LRRC3B: variants seen among roughly 807,000 people sequenced by gnomAD.
LRRC3B encodes leucine-rich repeat-containing protein 3B.
Under a neutral mutation model 12.8 loss-of-function variants are expected in LRRC3B, and 2 were observed. The observed-to-expected ratio is 0.16, with a 90% confidence interval of 0.06 to 0.49. LRRC3B has a LOEUF of 0.49. Among genes scored for constraint, LRRC3B ranks in the 20% least tolerant of loss-of-function variants. The pLI is 0.96. For synonymous variants in LRRC3B, 132 were observed against 122.0 expected (o/e 1.08, Z -0.54); for missense variants, 189 against 319.4 (o/e 0.59, Z 3.11).
chr3:26,702,797 C>T (rs902459886), intron 1 of LRRC3B, among the ~76,000 whole-genome samples: 3 of 151,896 alleles, frequency 2.0e-5, no homozygotes, highest in Non-Finnish European at 2.9e-5. Context: ...GGAAAGAGGC[C>T]ATGAGAATGC....
intron 1 of LRRC3B, among the ~76,000 whole-genome samples, chr3:26,627,114 C>T (rs1265996405): frequency 6.6e-6 from 1 of 152,312 alleles, no homozygotes; most frequent in East Asian, 1.9e-4. Flanking sequence ...GCCACTTCCT[C>T]GCCTACCTGG....
At chr3:26,662,937 G>T (rs1044873850) in intron 1 of LRRC3B, among the ~76,000 whole-genome samples, 4 of 152,114 alleles carry the variant, frequency 2.6e-5, no homozygotes, top group Admixed American at 2.0e-4. Context: ...GGAGGGATAT[G>T]AGGGTTTGCA....
At chr3:26,668,192 C>T (rs1011209113) in intron 1 of LRRC3B, among the ~76,000 whole-genome samples, 49 of 152,184 alleles carry the variant, frequency 3.2e-4, no homozygotes, top group African/African-American at 1.1e-3. Context: ...CCTGTTGAAA[C>T]AATCAGAGAG....
chr3:26,643,514 C>A (rs79007999), intron 1 of LRRC3B, among the ~76,000 whole-genome samples: 1 of 151,940 alleles, frequency 6.6e-6, no homozygotes, highest in Admixed American at 6.6e-5. Context: ...ACCCACCCAC[C>A]AGCTGTGTGA....
chr3:26,642,758 C>T (rs1699057614), intron 1 of LRRC3B, among the ~76,000 whole-genome samples: 1 of 152,122 alleles, frequency 6.6e-6, no homozygotes, highest in African/African-American at 2.4e-5. Context: ...GTGCCTCGTG[C>T]CTGTAATCCC....
At chr3:26,699,127 G>A (rs1700391238) in intron 1 of LRRC3B, among the ~76,000 whole-genome samples, 2 of 151,912 alleles carry the variant, frequency 1.3e-5, no homozygotes, top group Non-Finnish European at 2.9e-5. Context: ...TTGTGAATTG[G>A]TCTGATGCTT....
At chr3:26,646,463 G>A (rs1699145925) in intron 1 of LRRC3B, among the ~76,000 whole-genome samples, 1 of 151,926 alleles carries the variant, frequency 6.6e-6, no homozygotes, top group South Asian at 2.1e-4. Flanking sequence ...CATTAAGTAT[G>A]TTTTATCTTT....
intron 1 of LRRC3B, among the ~76,000 whole-genome samples, chr3:26,683,955 C>T (rs895156868): frequency 6.6e-5 from 10 of 152,238 alleles, no homozygotes; most frequent in African/African-American, 2.2e-4. Context: ...GTGAGAAAAG[C>T]TGATCCTCTG....
chr3:26,689,690 C>T (rs1326238704), intron 1 of LRRC3B, among the ~76,000 whole-genome samples: 1 of 152,120 alleles, frequency 6.6e-6, no homozygotes, highest in Non-Finnish European at 1.5e-5. Context: ...GTAGAGTGGC[C>T]CACCCCCAGG....
At chr3:26,680,514 C>CA (rs1476666416) in intron 1 of LRRC3B, among the ~76,000 whole-genome samples, 5 of 152,146 alleles carry the variant, frequency 3.3e-5, no homozygotes, top group African/African-American at 4.8e-5. Flanking sequence ...ATATTGCATC[C>CA]ATTTGTGGGT....
At chr3:26,653,847 G>A (rs1013990005) in intron 1 of LRRC3B, among the ~76,000 whole-genome samples, 1 of 152,164 alleles carries the variant, frequency 6.6e-6, no homozygotes, top group African/African-American at 2.4e-5. Flanking sequence ...ATACCTTATT[G>A]AAAACAATAG....
chr3:26,709,463 G>A (rs1700694060), intron 1 of LRRC3B, 50 bp from the exon 2 acceptor site: 2 of 591,148 alleles, frequency 3.4e-6, no homozygotes, highest in Non-Finnish European at 6.0e-6. Context: ...TCATTACAAT[G>A]TACCTCCCTT....
chr3:26,671,188 T>C (rs1699715992), intron 1 of LRRC3B, among the ~76,000 whole-genome samples: 4 of 142,520 alleles, frequency 2.8e-5, no homozygotes, highest in Admixed American at 2.8e-4. Flanking sequence ...GCTAATTTTT[T>C]GTATTTTTAG....
At chr3:26,643,427 G>C (rs1028791492) in intron 1 of LRRC3B, among the ~76,000 whole-genome samples, 1 of 152,092 alleles carries the variant, frequency 6.6e-6, no homozygotes, top group Non-Finnish European at 1.5e-5. Flanking sequence ...TAGAGAAATG[G>C]TTATGTCAGC....
At chr3:26,677,457 G>A (rs1453207873) in intron 1 of LRRC3B, among the ~76,000 whole-genome samples, 2 of 152,192 alleles carry the variant, frequency 1.3e-5, no homozygotes, top group Non-Finnish European at 2.9e-5. Flanking sequence ...CTGCCAGGGG[G>A]CAGGCTGCTC....
rs563789988 is a variant in LRRC3B at position 26,702,181 on chromosome 3, T to C, written c.-160-7332T>C. ...AGAAGGTAAAGTGATGTATTTAATA[T>C]GAAGTAGAAAACAGTAAATAATATA... On this transcript the variant is annotated intron_variant, in intron 1 of 1. Coordinates refer to ENST00000396641, the Ensembl canonical transcript of LRRC3B. 5.3e-5 allele frequency among the ~76,000 whole-genome samples: 8 copies of C among 152,322 alleles called. 1 individual carries two copies. The South Asian group carries it at 1.7e-3, about 32-fold the overall frequency.
intron 1 of LRRC3B, among the ~76,000 whole-genome samples, chr3:26,641,045 A>G (rs182317990): frequency 1.9e-4 from 29 of 152,344 alleles, no homozygotes; most frequent in Non-Finnish European, 3.8e-4. Flanking sequence ...CTGGCAGTGC[A>G]CAAAAAGTCA....
chr3:26,686,748 G>A (rs1424589535), intron 1 of LRRC3B, among the ~76,000 whole-genome samples: 2 of 152,166 alleles, frequency 1.3e-5, no homozygotes, highest in African/African-American at 4.8e-5. Flanking sequence ...GTACCCTTGG[G>A]ATCAACATTT....
intron 1 of LRRC3B, among the ~76,000 whole-genome samples, chr3:26,633,767 CACAG>C: frequency 6.6e-6 from 1 of 152,296 alleles, no homozygotes; most frequent in East Asian, 1.9e-4. Flanking sequence ...AGCATGAGGT[CACAG>C]ACAGAGGACA....
Sources: allele counts gnomAD v4.1 joint callset (sites outside exome capture counted in the v4.1 genomes callset), GRCh38; gene constraint gnomAD v4.1.1; transcripts MANE v1.5; gene names NCBI Gene and HGNC (gene_info 2026-07-23, HGNC 2026-07-21).